The following PTGR1 variants were observed in gnomAD, a reference collection of about 807,000 sequenced individuals.
PTGR1 encodes prostaglandin reductase 1.
Under a neutral mutation model 37.7 loss-of-function variants are expected in PTGR1, and 23 were observed. That is an observed-to-expected ratio of 0.61 (90% CI 0.44 to 0.86). The LOEUF (loss-of-function observed/expected upper bound fraction) is 0.86. Ranked by LOEUF, PTGR1 falls within the 40% of genes least tolerant of loss-of-function variation. The pLI, the probability that PTGR1 is intolerant of heterozygous loss-of-function variation, is 0.00. For synonymous variants in PTGR1, 134 were observed against 140.0 expected, an observed-to-expected ratio of 0.96 and a Z score of 0.30; for missense variants, 351 against 394.3, an observed-to-expected ratio of 0.89 and a Z score of 0.93.
chr9:111,562,442 A>T (rs1828356803), downstream of PTGR1: 1 of 151,938 alleles, frequency 6.6e-6, no homozygotes, highest in Admixed American at 6.6e-5. Flanking sequence ...CACTCAGCTA[A>T]TTTTTGTATT....
rs368095127 is a variant in PTGR1, at chr9:111,570,254, G to A, written c.761-45C>T. 126 of 1,584,542 alleles carry A rather than the reference G, an allele frequency of 8.0e-5. 1 individual carries two copies. Among genetic ancestry groups the A allele is most frequent in the South Asian group, 1.3e-4 (11 of 85,448 alleles). ...TTTGGGTGGCAGGATCCAGGGAGGTGCCCATGGTGAAACAAGCAGTACAGG... is the reference window on the plus strand; with the variant it reads ...TTTGGGTGGCAGGATCCAGGGAGGTACCCATGGTGAAACAAGCAGTACAGG... On this transcript the variant is annotated intron_variant, in intron 8 of 9. Coordinates refer to ENST00000407693, the MANE Select transcript of PTGR1 (RefSeq NM_001146108.2).
At chr9:111,592,711 GCAAA>G in intron 4 of PTGR1, 1 of 557,234 alleles carries the variant, frequency 1.8e-6, no homozygotes, top group Non-Finnish European at 2.9e-6. Context: ...AGTAAGGATG[GCAAA>G]GTGAAGCTGA....
chr9:111,593,895 C>A lies in PTGR1; in HGVS notation c.152+327G>T, dbSNP rs111372275. Among the ~76,000 whole-genome samples the A allele has an allele frequency of 2.8e-3, 417 of 151,290 alleles. 3 individuals are homozygous for A. Among genetic ancestry groups the A allele is most frequent in the African/African-American group, 8.4e-3 (344 of 41,190 alleles). On this transcript the variant is annotated intron_variant, in intron 3 of 9. Coordinates refer to ENST00000407693, the MANE Select transcript of PTGR1 (RefSeq NM_001146108.2). ...TAGAGACAGGGCTTTGCCATGTTGC[C>A]CAGGCTTTATTTTTTTCTTTTAAGG...
intron 7 of PTGR1, chr9:111,576,418 C>A (rs1829057502): frequency 6.2e-7 from 1 of 1,614,040 alleles, no homozygotes; most frequent in South Asian, 1.1e-5. Flanking sequence ...TGAATAAGAC[C>A]ATGCTCTGCC....
chr9:111,580,225 C>T (rs936407865), intron 6 of PTGR1, among the ~76,000 whole-genome samples: 6 of 152,108 alleles, frequency 3.9e-5, no homozygotes, highest in African/African-American at 1.4e-4. Flanking sequence ...TTCCAACAAC[C>T]TATAGATGTC....
intron 5 of PTGR1, among the ~76,000 whole-genome samples, chr9:111,584,434 G>A (rs1342104759): frequency 1.3e-5 from 2 of 152,224 alleles, no homozygotes; most frequent in Non-Finnish European, 2.9e-5. Context: ...CTAATTGAAT[G>A]TAAGAAGGTA....
chr9:111,585,423 G>A (rs1365555265), intron 5 of PTGR1, among the ~76,000 whole-genome samples: 1 of 152,182 alleles, frequency 6.6e-6, no homozygotes, highest in Admixed American at 6.5e-5. Context: ...CCCATAGAGG[G>A]TACAGGGCAG....
At chr9:111,597,190 C>G in intron 2 of PTGR1, 127 bp downstream of exon 2, 1 of 728,592 alleles carries the variant, frequency 1.4e-6, no homozygotes. Context: ...AAATTGCCAA[C>G]CCAAAGAATT....
chr9:111,567,568 TA>T (rs57863129), intron 9 of PTGR1, among the ~76,000 whole-genome samples: 8,721 of 152,122 alleles, frequency 0.057, 839 homozygotes, highest in African/African-American at 0.2. Flanking sequence ...CTGGGCCAAG[TA>T]AATAAGAGGA....
In PTGR1 at chr9:111,570,114, C is replaced by T; in HGVS notation, c.856G>A (p.Asp286Asn). Reference protein sequence around the residue: ...QGDARQKALKDLLKWVLEGKI... With the variant: ...QGDARQKALKNLLKWVLEGKI... ...ACCTCTAAGACCCATTTCAGCAAGT[C>T]CTTCAGAGCTTTTTGGCGGGCATCT... The change falls in exon 9 of 10, where the codon GAC becomes AAC. Residue 286 changes from aspartate to asparagine, a missense_variant. By Grantham distance (23) the Asp-to-Asn change is conservative. Coordinates refer to ENST00000407693, the MANE Select transcript of PTGR1 (RefSeq NM_001146108.2). 3 of 1,614,096 alleles carry T rather than the reference C, an allele frequency of 1.9e-6. No homozygotes were observed. The highest frequency in any genetic ancestry group is 2.5e-6 in the Non-Finnish European group (3 of 1,180,012).
At position 111,592,984 on chromosome 9, in the gene PTGR1, T is replaced by TGC. The variant is rs747544498; in HGVS notation, c.153-4_153-3dup. On this transcript the variant is annotated splice_polypyrimidine_tract_variant and splice_region_variant and intron_variant, in intron 3 of 9. Coordinates refer to ENST00000407693, the MANE Select transcript of PTGR1 (RefSeq NM_001146108.2). ...TCCTTCAATCTTTTGGCTGCCACTC[T>TGC]GCAAAAAAAAAAAAAAAAAAAAAAA... The TGC allele has an allele frequency of 1.3e-6, 1 of 741,540 alleles. No individual in the cohort carries two copies. Among genetic ancestry groups the TGC allele is most frequent in the Non-Finnish European group, 1.8e-6 (1 of 558,534 alleles). The allele number at this position is 741,540 out of a possible 1,614,324, so 45.9% of individuals were successfully genotyped here.
At chr9:111,593,415 G>GA (rs528540524) in intron 3 of PTGR1, among the ~76,000 whole-genome samples, 16 of 152,072 alleles carry the variant, frequency 1.1e-4, no homozygotes, top group Admixed American at 2.0e-4. Context: ...AATCAGCTAT[G>GA]AAAAAAATGT....
chr9:111,559,444 C>T (rs568015120), downstream of PTGR1, among the ~76,000 whole-genome samples: 4 of 152,160 alleles, frequency 2.6e-5, no homozygotes, highest in South Asian at 8.3e-4. Flanking sequence ...ACACGGATGA[C>T]TTCACTGTTG....
intron 9 of PTGR1, chr9:111,549,864 C>G: frequency 9.8e-7 from 1 of 1,019,526 alleles, no homozygotes; most frequent in South Asian, 1.4e-5. Context: ...TAAAGTCTGT[C>G]TAGTGAGTCA....
intron 4 of PTGR1, among the ~76,000 whole-genome samples, chr9:111,591,718 A>C (rs1172060235): frequency 6.6e-5 from 10 of 152,184 alleles, no homozygotes; most frequent in Non-Finnish European, 1.5e-5. Flanking sequence ...TAAGGTTCAG[A>C]TGACAGGGGA....
Position 111,570,227 on chromosome 9 carries a change from C to A in PTGR1, c.761-18G>T. ...GGGTGGGCCTGTGAAGAGAAGGGCA[C>A]ATTTGGGTGGCAGGATCCAGGGAGG... On this transcript the variant is annotated intron_variant, in intron 8 of 9. Transcript: ENST00000407693. 1 of 1,607,698 alleles carries A rather than the reference C, an allele frequency of 6.2e-7. No homozygotes were observed. The highest frequency in any genetic ancestry group is 8.5e-7 in the Non-Finnish European group (1 of 1,177,264).
At position 111,570,204 on chromosome 9, in the gene PTGR1, G is replaced by T. The variant is rs530800998; in HGVS notation, c.766C>A (p.Pro256Thr). ...NRTGPLPPGP[P>T]PEIVIYQELR... is the part of the protein sequence containing the mutation. ...TCCTGATAGATAACAATCTCTGGGGGTGGGCCTGTGAAGAGAAGGGCACAT... is the reference window on the plus strand; with the variant it reads ...TCCTGATAGATAACAATCTCTGGGGTTGGGCCTGTGAAGAGAAGGGCACAT... Residue 256 changes from proline (P) to threonine (T), a missense_variant, in exon 9 of 10, where the codon CCC becomes ACC. Coordinates refer to ENST00000407693, the MANE Select transcript of PTGR1 (RefSeq NM_001146108.2). 3.1e-6 allele frequency: 5 copies of T among 1,613,154 alleles called. No individual in the cohort carries two copies. Among genetic ancestry groups the T allele is most frequent in the African/African-American group, 1.3e-5 (1 of 74,958 alleles).
At chr9:111,571,014 G>GTAGCTGGGACTATAGGTGCATGCCAC (rs1176703185) in intron 8 of PTGR1, among the ~76,000 whole-genome samples, 3 of 151,068 alleles carry the variant, frequency 2.0e-5, no homozygotes, top group East Asian at 2.0e-4. Context: ...AATACAGGCA[G>GTAGCTGGGACTATAGGTGCATGCCAC]CTGCTAGAAG....
chr9:111,594,402 T>C, intron 2 of PTGR1, 135 bp from the exon 3 acceptor site: 1 of 740,442 alleles, frequency 1.4e-6, no homozygotes, highest in Non-Finnish European at 2.4e-6. Context: ...CCATGCTCAC[T>C]GCCTGGGTGA....
Sources: allele counts gnomAD v4.1 joint callset (sites outside exome capture counted in the v4.1 genomes callset), GRCh38; gene constraint gnomAD v4.1.1; transcripts MANE v1.5; gene names NCBI Gene and HGNC (gene_info 2026-07-23, HGNC 2026-07-21).